The following CRTAP variants were observed in gnomAD, a reference collection of about 807,000 sequenced individuals.
The protein encoded by CRTAP is cartilage associated protein.
CRTAP carries 33 observed loss-of-function variants against 42.7 expected under a neutral mutation model. The observed-to-expected ratio is 0.77, with a 90% CI of 0.59 to 1.03. The LOEUF (loss-of-function observed/expected upper bound fraction) is 1.03, where lower values mean the gene tolerates loss of function less well. Ranked by LOEUF, CRTAP falls within the 50% of genes least tolerant of loss-of-function variation. CRTAP has a pLI of 0.00. For missense variants in CRTAP, 613 were observed against 533.9 expected, an observed-to-expected ratio of 1.15 and a Z score of -1.46; for synonymous variants, 243 against 217.7, an observed-to-expected ratio of 1.12 and a Z score of -1.02.
chr3:33,134,349 C>T, intron 6 of CRTAP, 84 bp downstream of exon 6: 1 of 942,320 alleles, frequency 1.1e-6, no homozygotes, highest in Non-Finnish European at 1.8e-6. Context: ...AAGGCTGAGT[C>T]CTCCCTGAAG....
intron 1 of CRTAP, 89 bp from the exon 2 acceptor site, chr3:33,120,255 G>T: frequency 8.2e-7 from 1 of 1,213,948 alleles, no homozygotes; most frequent in Non-Finnish European, 1.2e-6. Context: ...GCAACACAAA[G>T]TTTCTGAAGG....
chr3:33,135,360 G>A (rs2030389540), intron 6 of CRTAP, among the ~76,000 whole-genome samples: 1 of 152,164 alleles, frequency 6.6e-6, no homozygotes, highest in Non-Finnish European at 1.5e-5. Context: ...TGGGTGTAGT[G>A]GCTCACACCT....
In CRTAP at chr3:33,114,518, C is replaced by G. The variant is rs962653319; in HGVS notation, c.441C>G (p.Pro147=). The change falls in exon 1 of 7, where the codon CCC becomes CCG. Residue 147 remains proline, a synonymous_variant. Coordinates refer to ENST00000320954, the MANE Select transcript of CRTAP (RefSeq NM_006371.5). ...TGGCGGACTTCCAGCGCCGCGAGCC[C>G]TACAAGTTCCTGCAGTTCGCTTACT... ...EVLADFQRRE[P]YKFLQFAYFK... is the part of the protein sequence containing the mutation. 26 of 1,603,918 alleles carry G rather than the reference C, an allele frequency of 1.6e-5. No homozygotes were observed. The highest frequency in any genetic ancestry group is 2.2e-5 in the Non-Finnish European group (26 of 1,177,052).
chr3:33,128,699 T>C (rs1190421851), intron 3 of CRTAP, among the ~76,000 whole-genome samples: 1 of 152,234 alleles, frequency 6.6e-6, no homozygotes, highest in Non-Finnish European at 1.5e-5. Flanking sequence ...AATGTTTCTG[T>C]AAATTAATTT....
At chr3:33,122,357 C>A (rs966689732) in intron 2 of CRTAP, among the ~76,000 whole-genome samples, 2 of 151,944 alleles carry the variant, frequency 1.3e-5, no homozygotes, top group Non-Finnish European at 2.9e-5. Context: ...AGGAAAGGCT[C>A]CTTCAGTTCT....
Position 33,114,273 on chromosome 3 carries a change from T to G in CRTAP, c.196T>G (p.Tyr66Asp), listed in dbSNP as rs1171295906. Residue 66 changes from tyrosine to aspartate, a missense_variant, in exon 1 of 7, where the codon TAC (tyrosine) becomes GAC (aspartate). By Grantham distance (160) the Tyr-to-Asp change is radical. Transcript: ENST00000320954. ...SGEHWAESVG[Y>D]LEISLRLHRL... ...CGAGCACTGGGCCGAGAGCGTGGGCTACCTGGAGATCAGCCTGCGGCTGCA... is the reference window on the plus strand; with the variant it reads ...CGAGCACTGGGCCGAGAGCGTGGGCGACCTGGAGATCAGCCTGCGGCTGCA... 1.3e-6 allele frequency: 2 copies of G among 1,580,928 alleles called. No homozygotes were observed. The highest frequency in any genetic ancestry group is 1.7e-6 in the Non-Finnish European group (2 of 1,170,476).
intron 6 of CRTAP, among the ~76,000 whole-genome samples, chr3:33,139,742 T>A (rs957058184): frequency 6.6e-6 from 1 of 152,168 alleles, no homozygotes; most frequent in African/African-American, 2.4e-5. Flanking sequence ...CCTCCCAAAG[T>A]GCTGGGATTA....
At chr3:33,125,614 A>G (rs1375267962) in intron 3 of CRTAP, among the ~76,000 whole-genome samples, 1 of 151,188 alleles carries the variant, frequency 6.6e-6, no homozygotes, top group Non-Finnish European at 1.5e-5. Context: ...CAACTTCACA[A>G]TTGTCAACTC....
chr3:33,137,573 A>G (rs2030459296), intron 6 of CRTAP, among the ~76,000 whole-genome samples: 1 of 152,218 alleles, frequency 6.6e-6, no homozygotes. Flanking sequence ...ATTGTGTTGT[A>G]GAAGTTCTTT....
At chr3:33,123,944 T>A (rs6777433) in intron 2 of CRTAP, among the ~76,000 whole-genome samples, 123,681 of 152,150 alleles carry the variant, frequency 0.81, 50,365 homozygotes, top group East Asian at 0.97. Context: ...ATTGAGGTAC[T>A]ATTTATATAC....
chr3:33,144,781 C>T lies in CRTAP; in HGVS notation c.*2333C>T, dbSNP rs2030676216. 1 of 152,220 alleles carries T rather than the reference C, an allele frequency of 6.6e-6. No individual in the cohort carries two copies. The highest frequency in any genetic ancestry group is 2.1e-4 in the South Asian group (1 of 4,834). The allele number at this position is 152,220 out of a possible 1,614,324, so 9.4% of individuals were successfully genotyped here. A position where few individuals can be genotyped will look rare whatever the true frequency, so the allele number is the denominator to read the frequency against. On this transcript the variant is annotated 3_prime_UTR_variant, in exon 7 of 7. Coordinates refer to ENST00000320954, the MANE Select transcript of CRTAP (RefSeq NM_006371.5). ...ACAGAAAAGAGCCATGGATGGAGCC[C>T]TTGGGCTCTCTGGGAAATGGGAAAT...
At chr3:33,129,021 T>G (rs1473051666) in intron 3 of CRTAP, among the ~76,000 whole-genome samples, 1 of 152,174 alleles carries the variant, frequency 6.6e-6, no homozygotes, top group Non-Finnish European at 1.5e-5. Flanking sequence ...GCTGTGTAGA[T>G]TCTGTTATTT....
chr3:33,122,708 T>TGA (rs2029916747), intron 2 of CRTAP, among the ~76,000 whole-genome samples: 3 of 34,288 alleles, frequency 8.7e-5, no homozygotes, highest in Admixed American at 3.7e-4. Context: ...AGACTCTGTC[T>TGA]CAAAAAAAAA....
intron 3 of CRTAP, among the ~76,000 whole-genome samples, chr3:33,125,613 A>C (rs2125600955): frequency 6.6e-6 from 1 of 151,224 alleles, no homozygotes; most frequent in Non-Finnish European, 1.5e-5. Context: ...CCAACTTCAC[A>C]ATTGTCAACT....
intron 4 of CRTAP, among the ~76,000 whole-genome samples, 157 bp from the exon 5 acceptor site, chr3:33,132,398 T>C (rs1200161373): frequency 6.6e-6 from 1 of 152,212 alleles, no homozygotes; most frequent in Non-Finnish European, 1.5e-5. Context: ...AGACCCCATC[T>C]GTGGCCTGCC....
In CRTAP at chr3:33,120,343, G is replaced by C. The variant is rs1381048078; in HGVS notation, c.472-1G>C. On this transcript the variant is annotated splice_acceptor_variant, in intron 1 of 6. Coordinates refer to ENST00000320954, the MANE Select transcript of CRTAP (RefSeq NM_006371.5). LOFTEE classifies it high-confidence loss of function. ...AGCTTTTATGTTCTTTGTCCTTTTA[G>C]GCAAATAATCTCCCCAAAGCCATCG... The C allele has an allele frequency of 9.3e-6, 15 of 1,613,468 alleles. No individual in the cohort carries two copies. The highest frequency in any genetic ancestry group is 1.1e-5 in the Non-Finnish European group (13 of 1,179,626).
chr3:33,136,505 C>G (rs2030421831), intron 6 of CRTAP, among the ~76,000 whole-genome samples: 2 of 152,136 alleles, frequency 1.3e-5, no homozygotes, highest in African/African-American at 4.8e-5. Context: ...AATCCCAGCA[C>G]TTTGGGAGGC....
At chr3:33,124,303 C>G in intron 2 of CRTAP, 105 bp from the exon 3 acceptor site, 1 of 1,332,082 alleles carries the variant, frequency 7.5e-7, no homozygotes, top group South Asian at 1.2e-5. Flanking sequence ...TTCTTCAGAG[C>G]TAATGAGAGC....
intron 1 of CRTAP, chr3:33,115,182 G>T (rs1448806927): frequency 6.6e-6 from 1 of 152,258 alleles, no homozygotes; most frequent in African/African-American, 2.4e-5. Context: ...CCGGACTCAA[G>T]TGATCCTCCC....
Sources: allele counts gnomAD v4.1 joint callset (sites outside exome capture counted in the v4.1 genomes callset), GRCh38; gene constraint gnomAD v4.1.1; transcripts MANE v1.5; gene names NCBI Gene and HGNC (gene_info 2026-07-23, HGNC 2026-07-21).